CSGALNACT1: variants seen among roughly 807,000 people sequenced by gnomAD.
CSGALNACT1 encodes beta4GalNAcT-1.
A neutral mutation model predicts 51.0 loss-of-function variants in CSGALNACT1; 52 were observed. The ratio of observed to expected loss-of-function variants is 1.02; its 90% CI spans 0.82 to 1.29. The LOEUF (loss-of-function observed/expected upper bound fraction) is 1.29, where lower values mean the gene tolerates loss of function less well. Among genes scored for constraint, CSGALNACT1 ranks in the 50% most tolerant of loss-of-function variants. The pLI is 0.00. For synonymous variants in CSGALNACT1, 341 were observed against 254.4 expected (o/e 1.34, Z -3.24); for missense variants, 935 against 679.2 (o/e 1.38, Z -4.19).
At chr8:19,470,096 A>G (rs750620170) in intron 4 of CSGALNACT1, among the ~76,000 whole-genome samples, 3 of 152,238 alleles carry the variant, frequency 2.0e-5, no homozygotes, top group Non-Finnish European at 2.9e-5. Flanking sequence ...TGGATAATAC[A>G]GATGCAGGGA....
At chr8:19,664,064 C>A (rs2058984530) in intron 1 of CSGALNACT1, among the ~76,000 whole-genome samples, 1 of 152,238 alleles carries the variant, frequency 6.6e-6, no homozygotes, top group Non-Finnish European at 1.5e-5. Flanking sequence ...CCCTCCACAC[C>A]CTGCCAGGTG....
chr8:19,547,114 C>T lies in CSGALNACT1; in HGVS notation c.-296-40984G>A, dbSNP rs530894384. 5.9e-5 allele frequency among the ~76,000 whole-genome samples: 9 copies of T among 152,238 alleles called. No individual in the cohort carries two copies. The South Asian group carries it at 1.5e-3, about 25-fold the overall frequency. ...TATAAAGTGATATCCTCAGTCTTTC[C>T]AGCAAGAAAAAAAGGCCAGGACACG... On this transcript the variant is annotated intron_variant, in intron 3 of 9. Coordinates refer to ENST00000454498, the Ensembl canonical transcript of CSGALNACT1.
At chr8:19,586,860 AC>A (rs1161389766) in intron 3 of CSGALNACT1, among the ~76,000 whole-genome samples, 1 of 152,212 alleles carries the variant, frequency 6.6e-6, no homozygotes, top group African/African-American at 2.4e-5. Flanking sequence ...ATCGTACCCT[AC>A]CAGAGAGGAA....
At chr8:19,406,023 G>T (rs371393969) in exon 10 of CSGALNACT1, 1 of 1,614,194 alleles carries the variant, frequency 6.2e-7, no homozygotes, top group Non-Finnish European at 8.5e-7. Context: ...TGCGATAAAG[G>T]TGCACATCCT....
intron 4 of CSGALNACT1, among the ~76,000 whole-genome samples, chr8:19,465,712 G>A (rs1228443697): frequency 6.6e-6 from 1 of 152,134 alleles, no homozygotes; most frequent in Non-Finnish European, 1.5e-5. Flanking sequence ...CTAAACTACT[G>A]TTTGGGCACC....
intron 1 of CSGALNACT1, among the ~76,000 whole-genome samples, chr8:19,734,134 T>C (rs917037861): frequency 6.6e-6 from 1 of 152,166 alleles, no homozygotes; most frequent in Non-Finnish European, 1.5e-5. Context: ...ATCACTTCCA[T>C]CTCAGAATCA....
chr8:19,405,845 A>T (rs1448498786), exon 10 of CSGALNACT1: 1 of 1,614,030 alleles, frequency 6.2e-7, no homozygotes, highest in Admixed American at 1.7e-5. Flanking sequence ...TCGTGCCTGA[A>T]CACCAGCATG....
Position 19,492,937 on chromosome 8 carries a change from C to T in CSGALNACT1, c.634+12264G>A, listed in dbSNP as rs1016787478. 4.6e-5 allele frequency among the ~76,000 whole-genome samples: 7 copies of T among 152,002 alleles called. No individual in the cohort carries two copies. The East Asian group carries it at 1.2e-3, about 25-fold the overall frequency. Reference sequence around the variant, plus strand: ...CTTTCTTTTAGTTTGTGCCCTGCCTCGCCTGTCCAGTGTATGGCATATTTG... The same window carrying T: ...CTTTCTTTTAGTTTGTGCCCTGCCTTGCCTGTCCAGTGTATGGCATATTTG... On this transcript the variant is annotated intron_variant, in intron 4 of 9. Transcript: ENST00000454498.
chr8:19,432,145 C>T (rs2059743567), intron 6 of CSGALNACT1, among the ~76,000 whole-genome samples: 1 of 152,222 alleles, frequency 6.6e-6, no homozygotes, highest in South Asian at 2.1e-4. Flanking sequence ...TCATACAGGG[C>T]ATGTTTATTA....
chr8:19,717,925 G>C (rs73202513), intron 1 of CSGALNACT1, among the ~76,000 whole-genome samples: 2,000 of 152,212 alleles, frequency 0.013, 24 homozygotes, highest in South Asian at 0.061. Flanking sequence ...GCACTGCTCA[G>C]AGGCAGGCAC....
chr8:19,471,493 T>C (rs1457141434), intron 4 of CSGALNACT1, among the ~76,000 whole-genome samples: 1 of 152,172 alleles, frequency 6.6e-6, no homozygotes, highest in Non-Finnish European at 1.5e-5. Flanking sequence ...GAACTTCCAT[T>C]CCTGTTCTGA....
At chr8:19,588,776 A>T (rs1309978685) in intron 3 of CSGALNACT1, among the ~76,000 whole-genome samples, 1 of 152,198 alleles carries the variant, frequency 6.6e-6, no homozygotes, top group African/African-American at 2.4e-5. Context: ...TCAAGACAGG[A>T]TATGGGGGAT....
chr8:19,467,744 G>T (rs2067052751), intron 4 of CSGALNACT1, among the ~76,000 whole-genome samples: 1 of 152,120 alleles, frequency 6.6e-6, no homozygotes, highest in Non-Finnish European at 1.5e-5. Context: ...CAGAATTTTG[G>T]GAGGCCAAGG....
chr8:19,703,670 C>T (rs1340845454), intron 1 of CSGALNACT1, among the ~76,000 whole-genome samples: 1 of 152,144 alleles, frequency 6.6e-6, no homozygotes, highest in Non-Finnish European at 1.5e-5. Context: ...CTACTGACTG[C>T]ACAGCACCTT....
At chr8:19,486,891 C>A (rs150018226) in intron 4 of CSGALNACT1, among the ~76,000 whole-genome samples, 1 of 152,134 alleles carries the variant, frequency 6.6e-6, no homozygotes, top group African/African-American at 2.4e-5. Context: ...CAGTACCTGG[C>A]GCACAGTAGC....
chr8:19,570,852 G>A (rs34524638), intron 3 of CSGALNACT1, among the ~76,000 whole-genome samples: 16,306 of 152,092 alleles, frequency 0.11, 951 homozygotes, highest in African/African-American at 0.16. Context: ...AGGTTGCAGT[G>A]AGCCGAGATC....
At chr8:19,721,010 T>C (rs950453390) in intron 1 of CSGALNACT1, among the ~76,000 whole-genome samples, 1 of 152,170 alleles carries the variant, frequency 6.6e-6, no homozygotes, top group East Asian at 1.9e-4. Flanking sequence ...TTTAAAGCAC[T>C]GTTTCCCGGA....
chr8:19,483,870 T>C (rs2072146205), intron 4 of CSGALNACT1, among the ~76,000 whole-genome samples: 1 of 152,236 alleles, frequency 6.6e-6, no homozygotes, highest in African/African-American at 2.4e-5. Flanking sequence ...AATAGACATA[T>C]ACCTCAATCT....
intron 3 of CSGALNACT1, among the ~76,000 whole-genome samples, chr8:19,530,521 C>T (rs547201943): frequency 9.9e-5 from 15 of 152,234 alleles, no homozygotes; most frequent in Middle Eastern, 3.4e-3. Flanking sequence ...AGAATTCAGT[C>T]GCTAAACTCT....
Sources: allele counts gnomAD v4.1 joint callset (sites outside exome capture counted in the v4.1 genomes callset), GRCh38; gene constraint gnomAD v4.1.1; transcripts MANE v1.5; gene names NCBI Gene and HGNC (gene_info 2026-07-23, HGNC 2026-07-21).